RNF216: variants seen among roughly 807,000 people sequenced by gnomAD.
RNF216 encodes E3 ubiquitin-protein ligase RNF216.
Under a neutral mutation model 110.8 loss-of-function variants are expected in RNF216, and 72 were observed. The observed-to-expected ratio is 0.65, with a 90% CI of 0.54 to 0.79. The LOEUF is 0.79. Among genes scored for constraint, RNF216 ranks in the 30% least tolerant of loss-of-function variants. The pLI, the probability that RNF216 is intolerant of heterozygous loss-of-function variation, is 0.00. For synonymous variants in RNF216, 495 were observed against 407.5 expected (o/e 1.21, Z -2.59); for missense variants, 1,342 against 1,141.2 (o/e 1.18, Z -2.54).
intron 5 of RNF216, 73 bp from the exon 6 acceptor site, chr7:5,730,890 G>A: frequency 1.4e-6 from 2 of 1,468,132 alleles, no homozygotes; most frequent in East Asian, 3.0e-5. Context: ...AAATGCAATG[G>A]TTGAAGAATA....
At chr7:5,698,343 C>A (rs922378841) in intron 13 of RNF216, among the ~76,000 whole-genome samples, 11 of 151,330 alleles carry the variant, frequency 7.3e-5, no homozygotes, top group African/African-American at 2.7e-4. Flanking sequence ...CCCAATTCAT[C>A]GGTTACAATG....
intron 13 of RNF216, among the ~76,000 whole-genome samples, chr7:5,656,679 T>C (rs564429081): frequency 6.3e-4 from 96 of 152,350 alleles, no homozygotes; most frequent in African/African-American, 2.3e-3. Context: ...GTCCTCAAAA[T>C]ACATTAAGGT....
At chr7:5,755,185 GAAGGAAGGAAGGAAGGGAGGGAAGGAAGA>G (rs1368721247) in intron 2 of RNF216, among the ~76,000 whole-genome samples, 4 of 138,576 alleles carry the variant, frequency 2.9e-5, no homozygotes, top group Non-Finnish European at 4.7e-5. Context: ...AGGAAAGGAA[GAAGGAAGGAAGGAAGGGAGGGAAGGAAGA>G]AAGGAAGGAA....
chr7:5,712,874 G>T lies in RNF216; in HGVS notation c.1834-11C>A. The T allele has an allele frequency of 6.3e-7, 1 of 1,593,450 alleles. No individual in the cohort carries two copies. The highest frequency in any genetic ancestry group is 8.5e-7 in the Non-Finnish European group (1 of 1,173,136). ...GCAGCTGAGCTCCAACTAGAAAAAG[G>T]CGAAAAGGCAAAGAAAAAAAAATCA... On this transcript the variant is annotated splice_polypyrimidine_tract_variant and intron_variant, in intron 11 of 16. Transcript: ENST00000389902.
chr7:5,672,299 T>G (rs909573851), intron 13 of RNF216, among the ~76,000 whole-genome samples: 1 of 152,250 alleles, frequency 6.6e-6, no homozygotes, highest in Admixed American at 6.5e-5. Flanking sequence ...ACATGTTTAC[T>G]TTGGGGGAAT....
intron 5 of RNF216, among the ~76,000 whole-genome samples, chr7:5,732,696 C>T (rs1414911843): frequency 6.6e-6 from 1 of 152,168 alleles, no homozygotes; most frequent in Non-Finnish European, 1.5e-5. Flanking sequence ...AGTTTTTCTT[C>T]TACAGAAACA....
At chr7:5,644,087 G>C (rs1305864306) in intron 14 of RNF216, among the ~76,000 whole-genome samples, 3 of 152,100 alleles carry the variant, frequency 2.0e-5, no homozygotes, top group Non-Finnish European at 4.4e-5. Context: ...TTATTCATGA[G>C]TTGATGGATT....
intron 13 of RNF216, among the ~76,000 whole-genome samples, chr7:5,692,106 G>A (rs886839814): frequency 5.3e-5 from 8 of 152,322 alleles, no homozygotes; most frequent in African/African-American, 1.7e-4. Context: ...AAGTAAGCCC[G>A]CAAATCATGC....
intron 1 of RNF216, among the ~76,000 whole-genome samples, chr7:5,768,392 C>CAG (rs1796320103): frequency 6.8e-6 from 1 of 148,050 alleles, no homozygotes; most frequent in Admixed American, 6.8e-5. Context: ...CACACACACA[C>CAG]AGCTTAAATT....
chr7:5,773,523 G>T (rs531944202), intron 1 of RNF216, among the ~76,000 whole-genome samples: 11 of 151,986 alleles, frequency 7.2e-5, no homozygotes, highest in Admixed American at 7.2e-4. Context: ...TTACAGGAGT[G>T]AGCCACCACA....
chr7:5,746,598 G>A, intron 3 of RNF216, among the ~76,000 whole-genome samples: 1 of 152,016 alleles, frequency 6.6e-6, no homozygotes, highest in East Asian at 1.9e-4. Context: ...AAACTGCAAA[G>A]TGATTGGCTA....
intron 15 of RNF216, among the ~76,000 whole-genome samples, chr7:5,633,964 A>G (rs898584355): frequency 2.0e-5 from 3 of 152,258 alleles, no homozygotes; most frequent in African/African-American, 7.2e-5. Context: ...GACAGGAGAA[A>G]ACGAAGAAAG....
At position 5,760,984 on chromosome 7, in the gene RNF216, G is replaced by A. The variant is rs1795902475; in HGVS notation, c.67+19C>T. Reference sequence around the variant, plus strand: ...AAAAAGCCACAGGGAAAGGGATGAAGTGAGAACAAACAACTTACCTTGTCC... The same window carrying A: ...AAAAAGCCACAGGGAAAGGGATGAAATGAGAACAAACAACTTACCTTGTCC... On this transcript the variant is annotated intron_variant, in intron 2 of 16. Coordinates refer to ENST00000389902, the MANE Select transcript of RNF216 (RefSeq NM_207111.4). 1 of 1,540,900 alleles carries A rather than the reference G, an allele frequency of 6.5e-7. No individual in the cohort carries two copies. Among genetic ancestry groups the A allele is most frequent in the South Asian group, 1.2e-5 (1 of 84,522 alleles).
intron 14 of RNF216, among the ~76,000 whole-genome samples, chr7:5,645,789 C>G (rs985031110): frequency 2.0e-5 from 3 of 152,074 alleles, no homozygotes; most frequent in Non-Finnish European, 4.4e-5. Context: ...AAGGTTTCAC[C>G]ATGTTGGCCA....
intron 13 of RNF216, chr7:5,666,512 G>C (rs1562805776): frequency 6.6e-6 from 1 of 152,400 alleles, no homozygotes; most frequent in Non-Finnish European, 1.5e-5. Flanking sequence ...GGAGGGTTGG[G>C]TTTGCAGGCT....
At chr7:5,731,094 A>C (rs868592337) in intron 5 of RNF216, among the ~76,000 whole-genome samples, 1 of 151,034 alleles carries the variant, frequency 6.6e-6, no homozygotes, top group Non-Finnish European at 1.5e-5. Context: ...TGTTAATGTA[A>C]TGAAGTCACT....
chr7:5,641,102 T>C, intron 15 of RNF216, 52 bp downstream of exon 15: 1 of 1,366,858 alleles, frequency 7.3e-7, no homozygotes, highest in East Asian at 2.3e-5. Flanking sequence ...GTCATAAAAA[T>C]ATATTTCTAT....
intron 1 of RNF216, among the ~76,000 whole-genome samples, chr7:5,775,379 G>C (rs1459900134): frequency 6.6e-6 from 1 of 151,966 alleles, no homozygotes; most frequent in Non-Finnish European, 1.5e-5. Flanking sequence ...TTTTCTCCTT[G>C]TTCTATTCAT....
intron 14 of RNF216, among the ~76,000 whole-genome samples, chr7:5,650,667 C>T (rs954227346): frequency 1.3e-5 from 2 of 152,166 alleles, no homozygotes; most frequent in Non-Finnish European, 2.9e-5. Flanking sequence ...TCTTCAAAGC[C>T]AGCAACAGGG....
Sources: gnomAD v4.1 joint callset for allele counts (sites outside exome capture counted in the v4.1 genomes callset) on GRCh38, gnomAD v4.1.1 for gene constraint, MANE v1.5 for transcripts, NCBI Gene and HGNC (gene_info 2026-07-23, HGNC 2026-07-21) for gene names.